The following SLC44A1 variants were observed in gnomAD, a reference collection of about 807,000 sequenced individuals.
SLC44A1 encodes choline transporter-like protein 1.
In SLC44A1, 26 loss-of-function variants were observed where a neutral mutation model predicts 79.3. That is an observed-to-expected ratio of 0.33 (90% confidence interval 0.24 to 0.46). The LOEUF is 0.46. Among genes scored for constraint, SLC44A1 ranks in the 20% least tolerant of loss-of-function variants. The probability of loss-of-function intolerance (pLI) is 1.00; values close to 1 mark genes in which losing one functional copy is unlikely to be tolerated. For synonymous variants in SLC44A1, 263 were observed against 286.2 expected (o/e 0.92, Z 0.82); for missense variants, 688 against 798.1 (o/e 0.86, Z 1.66).
chr9:105,254,834 A>G (rs1294538179), intron 1 of SLC44A1, among the ~76,000 whole-genome samples: 5 of 152,226 alleles, frequency 3.3e-5, no homozygotes. Flanking sequence ...TGGTCCTTCA[A>G]GAGCACCTTG....
intron 4 of SLC44A1, among the ~76,000 whole-genome samples, chr9:105,341,621 A>G (rs1204068129): frequency 6.6e-6 from 1 of 152,196 alleles, no homozygotes; most frequent in Non-Finnish European, 1.5e-5. Flanking sequence ...AGGAATATCC[A>G]GGCCCTAATA....
intron 4 of SLC44A1, among the ~76,000 whole-genome samples, chr9:105,337,685 A>G (rs369685055): frequency 3.7e-4 from 56 of 152,268 alleles, no homozygotes; most frequent in African/African-American, 1.3e-3. Flanking sequence ...GTCTTCCAAT[A>G]TATCTTCTCA....
At chr9:105,427,114 G>A (rs1414546172) in intron 15 of SLC44A1, among the ~76,000 whole-genome samples, 2 of 152,018 alleles carry the variant, frequency 1.3e-5, no homozygotes, top group Non-Finnish European at 2.9e-5. Context: ...GTATTTTTTA[G>A]TAGAGGCAGT....
chr9:105,422,358 G>A (rs1190915929), intron 15 of SLC44A1, among the ~76,000 whole-genome samples: 3 of 141,928 alleles, frequency 2.1e-5, no homozygotes, highest in African/African-American at 2.6e-5. Context: ...GCACCATCTC[G>A]GCTCACTGCA....
At position 105,383,340 on chromosome 9, in the gene SLC44A1, A is replaced by G. The variant is rs532908912; in HGVS notation, c.1850A>G (p.Tyr617Cys). ...GATGGGAGCCCTGGCAGAGAATTCT[A>G]TATGGATAAAGTGCTGATGGTAAGT... ...YNDGSPGREF[Y>C]MDKVLMEFVE... Residue 617 changes from tyrosine (Y) to cysteine (C), a missense_variant, in exon 14 of 16, where the codon TAT becomes TGT. Coordinates refer to ENST00000374720, the MANE Select transcript of SLC44A1 (RefSeq NM_080546.5). 1.7e-5 allele frequency: 27 copies of G among 1,603,752 alleles called. No individual in the cohort carries two copies. The highest frequency in any genetic ancestry group is 2.2e-5 in the East Asian group (1 of 44,846).
rs1282888322 is a variant in SLC44A1 at position 105,294,976 on chromosome 9, A to G, written c.37-4244A>G. On this transcript the variant is annotated intron_variant, in intron 1 of 15. Coordinates refer to ENST00000374720, the MANE Select transcript of SLC44A1 (RefSeq NM_080546.5). ...CTGATTTTTTTCCTTGCCTGTGTTTAGTACACTGGTGAGCCTGAGAAAGGC... is the reference window on the plus strand; with the variant it reads ...CTGATTTTTTTCCTTGCCTGTGTTTGGTACACTGGTGAGCCTGAGAAAGGC... Among the ~76,000 whole-genome samples, 19 of 148,926 alleles carry G rather than the reference A, an allele frequency of 1.3e-4. No homozygotes were observed. The Admixed American group carries it at 1.3e-3, about 10-fold the overall frequency.
chr9:105,405,361 A>G (rs930054129), intron 15 of SLC44A1, among the ~76,000 whole-genome samples: 1 of 152,134 alleles, frequency 6.6e-6, no homozygotes, highest in Non-Finnish European at 1.5e-5. Flanking sequence ...TATGATTGAA[A>G]TGGCAGAGCA....
At chr9:105,294,463 G>A (rs939478519) in intron 1 of SLC44A1, among the ~76,000 whole-genome samples, 2 of 150,532 alleles carry the variant, frequency 1.3e-5, no homozygotes, top group East Asian at 1.9e-4. Flanking sequence ...TTTTTTTTTC[G>A]TTTTCCTTTC....
At chr9:105,256,463 G>T (rs547870516) in intron 1 of SLC44A1, among the ~76,000 whole-genome samples, 1 of 152,126 alleles carries the variant, frequency 6.6e-6, no homozygotes, top group Non-Finnish European at 1.5e-5. Context: ...GTGTTTCAGG[G>T]CTAATATGAG....
chr9:105,338,890 T>C (rs75638188), intron 4 of SLC44A1, among the ~76,000 whole-genome samples: 2,386 of 152,306 alleles, frequency 0.016, 57 homozygotes, highest in African/African-American at 0.054. Context: ...ATCTTTAATA[T>C]ATAATTCAAA....
At chr9:105,405,687 G>C (rs1829020697) in intron 15 of SLC44A1, among the ~76,000 whole-genome samples, 1 of 152,080 alleles carries the variant, frequency 6.6e-6, no homozygotes, top group African/African-American at 2.4e-5. Flanking sequence ...TTGTCTGGTG[G>C]CTCCCTGAAT....
chr9:105,284,658 C>T (rs187147164), intron 1 of SLC44A1, among the ~76,000 whole-genome samples: 1 of 152,052 alleles, frequency 6.6e-6, no homozygotes, highest in African/African-American at 2.4e-5. Context: ...ACTTTCATCT[C>T]GTATATCTGA....
rs896969499 is a variant in SLC44A1, at chr9:105,300,035, G to A, written c.126+726G>A. 3 of 705,450 alleles carry A rather than the reference G, an allele frequency of 4.3e-6. No homozygotes were observed. The African/African-American group carries it at 5.8e-5, about 14-fold the overall frequency. 43.7% of individuals were successfully genotyped at this position (705,450 alleles called of 1,614,324 possible). A position where few individuals can be genotyped will look rare whatever the true frequency, so the allele number is the denominator to read the frequency against. On this transcript the variant is annotated intron_variant, in intron 2 of 15. Transcript: ENST00000374720. ...CATTAGAGTCCCTGCCAGTGTGCTGGGCTGGAAAAAACATAGAAAACTGCT... is the reference window on the plus strand; with the variant it reads ...CATTAGAGTCCCTGCCAGTGTGCTGAGCTGGAAAAAACATAGAAAACTGCT...
chr9:105,328,699 C>T (rs1826658194), intron 3 of SLC44A1, among the ~76,000 whole-genome samples: 1 of 152,192 alleles, frequency 6.6e-6, no homozygotes, highest in Non-Finnish European at 1.5e-5. Flanking sequence ...AAATGAAGGT[C>T]TACAGAAGTG....
At chr9:105,328,383 G>A (rs774950852) in intron 3 of SLC44A1, among the ~76,000 whole-genome samples, 55 of 152,212 alleles carry the variant, frequency 3.6e-4, no homozygotes, top group Non-Finnish European at 6.3e-4. Context: ...CTGAGAAGAT[G>A]TCTTTTGAGT....
At chr9:105,410,247 T>G (rs1829077895) in intron 15 of SLC44A1, among the ~76,000 whole-genome samples, 1 of 152,036 alleles carries the variant, frequency 6.6e-6, no homozygotes, top group African/African-American at 2.4e-5. Flanking sequence ...TCATCAAAAT[T>G]GGAAAATTTT....
intron 4 of SLC44A1, among the ~76,000 whole-genome samples, chr9:105,339,555 C>A (rs1827024119): frequency 6.6e-6 from 1 of 152,146 alleles, no homozygotes; most frequent in South Asian, 2.1e-4. Flanking sequence ...AACTGCCAGT[C>A]GTGGTGGCTC....
At chr9:105,381,241 A>G (rs184753502) in intron 13 of SLC44A1, among the ~76,000 whole-genome samples, 193 of 152,162 alleles carry the variant, frequency 1.3e-3, no homozygotes, top group African/African-American at 4.4e-3. Context: ...AGGAGAGTGG[A>G]AGAAAATTGA....
At chr9:105,288,753 A>G (rs923471606) in intron 1 of SLC44A1, among the ~76,000 whole-genome samples, 2 of 152,230 alleles carry the variant, frequency 1.3e-5, no homozygotes, top group African/African-American at 4.8e-5. Context: ...TTCTTAACCA[A>G]TGTTATCAGC....
Sources: allele counts gnomAD v4.1 joint callset (sites outside exome capture counted in the v4.1 genomes callset), GRCh38; gene constraint gnomAD v4.1.1; transcripts MANE v1.5; gene names NCBI Gene and HGNC (gene_info 2026-07-23, HGNC 2026-07-21).